CCN3: variants seen among roughly 807,000 people sequenced by gnomAD.
The protein encoded by CCN3 is CCN family member 3.
A neutral mutation model predicts 33.4 loss-of-function variants in CCN3; 20 were observed. That is an observed-to-expected ratio of 0.60 (90% CI 0.42 to 0.87). The LOEUF (loss-of-function observed/expected upper bound fraction) is 0.87, where lower values mean the gene tolerates loss of function less well. Ranked by LOEUF, CCN3 falls within the 40% of genes least tolerant of loss-of-function variation. The pLI, the probability that CCN3 is intolerant of heterozygous loss-of-function variation, is 0.00. For missense variants in CCN3, 465 were observed against 455.3 expected (o/e 1.02, Z -0.19); for synonymous variants, 205 against 170.4 (o/e 1.20, Z -1.58).
rs754470496 is a variant in CCN3 at position 119,416,536 on chromosome 8, C to A, written c.4C>A (p.Gln2Lys). The A allele has an allele frequency of 6.2e-6, 10 of 1,613,732 alleles. No individual in the cohort carries two copies. Among genetic ancestry groups the A allele is most frequent in the Non-Finnish European group, 7.6e-6 (9 of 1,179,838 alleles). ...AGCGAGAGGGGAAAGCCTGAGCATG[C>A]AGAGTGTGCAGAGCACGAGCTTTTG... MQSVQSTSFCLR... is the reference protein window; with the variant it reads MKSVQSTSFCLR... Residue 2 changes from glutamine to lysine, a missense_variant, in exon 1 of 5, where the codon CAG becomes AAG. By Grantham distance (53) the Gln-to-Lys change is moderately conservative. Coordinates refer to ENST00000259526, the MANE Select transcript of CCN3 (RefSeq NM_002514.4).
chr8:119,417,186 G>A (rs1336208634), intron 2 of CCN3: 10 of 537,218 alleles, frequency 1.9e-5, no homozygotes, highest in Admixed American at 3.6e-5. Flanking sequence ...CCTGCCCTGG[G>A]GGTGAAAGGC....
In CCN3 at chr8:119,422,699, C is replaced by A. The variant is rs559265960; in HGVS notation, c.778-137C>A. 2.8e-5 allele frequency: 21 copies of A among 759,596 alleles called. 1 individual carries two copies. The highest frequency in any genetic ancestry group is 2.5e-4 in the East Asian group (10 of 40,436). The allele number at this position is 759,596 out of a possible 1,614,324, so 47.1% of individuals were successfully genotyped here. ...CTTTTAGCTGACTACATTGCTCAAG[C>A]AAAATTAATGTTCTGATAGCAAAGA... On this transcript the variant is annotated intron_variant, in intron 4 of 4. Transcript: ENST00000259526.
chr8:119,422,335 G>A (rs563137848), intron 4 of CCN3, among the ~76,000 whole-genome samples: 7 of 152,256 alleles, frequency 4.6e-5, no homozygotes, highest in South Asian at 4.2e-4. Context: ...CCTCTGACAC[G>A]TGGTGATTAC....
chr8:119,417,012 T>TTCACTTAGCTGCAGG, intron 2 of CCN3, 43 bp downstream of exon 2: 7 of 1,503,134 alleles, frequency 4.7e-6, no homozygotes, highest in Non-Finnish European at 6.4e-6. Context: ...CTCCTGCAGC[T>TTCACTTAGCTGCAGG]AAGTGAAGCT....
rs1260068159 is a variant in CCN3, at chr8:119,424,222, C to T, written c.*1090C>T. The T allele has an allele frequency of 2.6e-5, 4 of 152,140 alleles. No individual in the cohort carries two copies. The highest frequency in any genetic ancestry group is 2.6e-4 in the Admixed American group (4 of 15,274). 9.4% of individuals were successfully genotyped at this position (152,140 alleles called of 1,614,324 possible). The stretch of plus-strand genomic sequence containing the variant: ...GGCTGCAAAATTAAATCTAGACATT[C>T]TTTTAATGCCACCACACGTGTTCCG... On this transcript the variant is annotated 3_prime_UTR_variant, in exon 5 of 5. Coordinates refer to ENST00000259526, the MANE Select transcript of CCN3 (RefSeq NM_002514.4).
Position 119,418,262 on chromosome 8 carries a change from T to C in CCN3, c.515T>C (p.Ile172Thr). 1 of 1,614,162 alleles carries C rather than the reference T, an allele frequency of 6.2e-7. No individual in the cohort carries two copies. The highest frequency in any genetic ancestry group is 8.5e-7 in the Non-Finnish European group (1 of 1,180,044). ...EVPGECCEKW[I>T]CGPDEEDSLG... is the part of the protein sequence containing the mutation. ...CCTGGAGAGTGCTGTGAAAAGTGGA[T>C]CTGTGGCCCAGATGAGGAGGATTCA... The change falls in exon 3 of 5, where the codon ATC becomes ACC. Residue 172 changes from isoleucine to threonine, a missense_variant. Coordinates refer to ENST00000259526, the MANE Select transcript of CCN3 (RefSeq NM_002514.4).
At position 119,416,459 on chromosome 8, in the gene CCN3, G is replaced by C. The variant is rs1820046883; in HGVS notation, c.-74G>C. ...GGCGTGATCGGCAAGCACCGGACCA[G>C]GGGGAAGGCGAGCAGTGCCAATCTA... On this transcript the variant is annotated 5_prime_UTR_variant, in exon 1 of 5. Coordinates refer to ENST00000259526, the MANE Select transcript of CCN3 (RefSeq NM_002514.4). 2 of 1,427,864 alleles carry C rather than the reference G, an allele frequency of 1.4e-6. No homozygotes were observed. The highest frequency in any genetic ancestry group is 2.4e-5 in the South Asian group (2 of 84,082). The allele number at this position is 1,427,864 out of a possible 1,614,324, so 88.4% of individuals were successfully genotyped here.
In CCN3 at chr8:119,423,011, G is replaced by T. The variant is rs146003493; in HGVS notation, c.953G>T (p.Gly318Val). 6.2e-6 allele frequency: 10 copies of T among 1,614,024 alleles called. No homozygotes were observed. The highest frequency in any genetic ancestry group is 7.6e-6 in the Non-Finnish European group (9 of 1,180,012). ...CAGGCAGAGTTTCAGTGCTCCCCAG[G>T]GCAAATAGTCAAGAAGCCAGTGATG... ...TIQAEFQCSPGQIVKKPVMVI... is the reference protein window; with the variant it reads ...TIQAEFQCSPVQIVKKPVMVI... The change falls in exon 5 of 5, where the codon GGG becomes GTG. Residue 318 changes from glycine (G) to valine (V), a missense_variant. Gly to Val is a moderately radical substitution (Grantham distance 109, BLOSUM62 -3). Transcript: ENST00000259526.
intron 3 of CCN3, 95 bp from the exon 4 acceptor site, chr8:119,419,036 G>A (rs111521183): frequency 1.6e-5 from 14 of 893,592 alleles, no homozygotes; most frequent in African/African-American, 4.9e-5. Flanking sequence ...GTACAGAGTC[G>A]AATGAGACCC....
At chr8:119,420,303 C>T (rs1055334141) in intron 4 of CCN3, among the ~76,000 whole-genome samples, 25 of 152,142 alleles carry the variant, frequency 1.6e-4, no homozygotes, top group Admixed American at 1.2e-3. Context: ...CATAATGGGG[C>T]GGCTGAAAGT....
At chr8:119,419,458 G>A (rs1820096188) in intron 4 of CCN3, 113 bp downstream of exon 4, 3 of 1,043,752 alleles carry the variant, frequency 2.9e-6, no homozygotes, top group Admixed American at 2.4e-5. Flanking sequence ...GCTATAGCGG[G>A]GAGTTAACCC....
intron 3 of CCN3, 104 bp from the exon 4 acceptor site, chr8:119,419,027 T>C: frequency 1.3e-6 from 1 of 785,636 alleles, no homozygotes; most frequent in South Asian, 1.6e-5. Flanking sequence ...GTTTAGTAGG[T>C]ACAGAGTCGA....
chr8:119,422,952 C>A lies in CCN3; in HGVS notation c.894C>A (p.Gly298=), dbSNP rs757023357. ...GGTTCTGTGGGGTCTGCAGTGATGG[C>A]CGCTGCTGCACTCCCCACAATACCA... The part of the protein sequence containing the change: ...KPRFCGVCSD[G]RCCTPHNTKT... Residue 298 remains glycine, a synonymous_variant, in exon 5 of 5, where the codon GGC becomes GGA. Transcript: ENST00000259526. The A allele has an allele frequency of 6.2e-7, 1 of 1,614,028 alleles. No homozygotes were observed.
At position 119,423,052 on chromosome 8, in the gene CCN3, A is replaced by C. The variant is rs907958941; in HGVS notation, c.994A>C (p.Thr332Pro). ...KKPVMVIGTC[T>P]CHTNCPKNNE... ...GCCAGTGATGGTCATTGGGACCTGC[A>C]CCTGTCACACCAACTGTCCTAAGAA... The change falls in exon 5 of 5, where the codon ACC becomes CCC. Residue 332 changes from threonine to proline, a missense_variant. Coordinates refer to ENST00000259526, the MANE Select transcript of CCN3 (RefSeq NM_002514.4). 6.2e-7 allele frequency: 1 copy of C among 1,614,026 alleles called. No homozygotes were observed. Among genetic ancestry groups the C allele is most frequent in the African/African-American group, 1.3e-5 (1 of 74,894 alleles).
chr8:119,418,544 C>A (rs1049207012), intron 3 of CCN3, among the ~76,000 whole-genome samples: 5 of 152,188 alleles, frequency 3.3e-5, no homozygotes, highest in African/African-American at 1.2e-4. Context: ...GAGGACCTCC[C>A]AAATTCACTC....
intron 4 of CCN3, chr8:119,420,069 A>T (rs895049524): frequency 6.6e-6 from 1 of 152,160 alleles, no homozygotes; most frequent in Non-Finnish European, 1.5e-5. Flanking sequence ...TGCAATACCC[A>T]ATTTGAACCA....
At chr8:119,417,509 T>C (rs1021485090) in intron 2 of CCN3, among the ~76,000 whole-genome samples, 1 of 152,186 alleles carries the variant, frequency 6.6e-6, no homozygotes, top group Admixed American at 6.5e-5. Flanking sequence ...TAAAACGTAA[T>C]CAGTCGGGGA....
Position 119,416,529 on chromosome 8 carries a change from G to A in CCN3, c.-4G>A. Reference sequence around the variant, plus strand: ...TGGTAAAAGCGAGAGGGGAAAGCCTGAGCATGCAGAGTGTGCAGAGCACGA... The same window carrying A: ...TGGTAAAAGCGAGAGGGGAAAGCCTAAGCATGCAGAGTGTGCAGAGCACGA... On this transcript the variant is annotated 5_prime_UTR_variant, in exon 1 of 5. Coordinates refer to ENST00000259526, the MANE Select transcript of CCN3 (RefSeq NM_002514.4). 1 of 1,613,690 alleles carries A rather than the reference G, an allele frequency of 6.2e-7. No individual in the cohort carries two copies. The highest frequency in any genetic ancestry group is 8.5e-7 in the Non-Finnish European group (1 of 1,179,838).
intron 3 of CCN3, 90 bp from the exon 4 acceptor site, chr8:119,419,041 A>T: frequency 1.1e-6 from 1 of 941,782 alleles, no homozygotes; most frequent in East Asian, 2.4e-5. Flanking sequence ...GAGTCGAATG[A>T]GACCCAGTTT....
Sources: allele counts gnomAD v4.1 joint callset (sites outside exome capture counted in the v4.1 genomes callset), GRCh38; gene constraint gnomAD v4.1.1; transcripts MANE v1.5; gene names NCBI Gene and HGNC (gene_info 2026-07-23, HGNC 2026-07-21).